The following SH3PXD2A variants were observed in gnomAD, a reference collection of about 807,000 sequenced individuals.
The protein encoded by SH3PXD2A is SH3 and PX domain-containing protein 2A.
A neutral mutation model predicts 115.2 loss-of-function variants in SH3PXD2A; 32 were observed. The observed-to-expected ratio is 0.28, with a 90% CI of 0.21 to 0.37. SH3PXD2A has a LOEUF of 0.37. SH3PXD2A is among the 10% of genes least tolerant of loss of function. The pLI is 1.00. For synonymous variants in SH3PXD2A, 610 were observed against 629.1 expected (o/e 0.97, Z 0.45); for missense variants, 1,328 against 1,498.7 (o/e 0.89, Z 1.88).
Position 103,845,592 on chromosome 10 carries a change from A to G in SH3PXD2A, c.72+9603T>C, listed in dbSNP as rs757293561. Among the ~76,000 whole-genome samples, 16 of 152,290 alleles carry G rather than the reference A, an allele frequency of 1.1e-4. No homozygotes were observed. In the Middle Eastern group the frequency reaches 0.01, roughly 97 times the overall value. ...ATATCATCAGGAAATAACCATAAAA[A>G]TGGGTAACCAGTGGCCCTCGGGGCT... is the stretch of plus-strand genomic sequence containing the variant. On this transcript the variant is annotated intron_variant, in intron 1 of 14. Transcript: ENST00000369774.
chr10:103,601,600 C>G lies in SH3PXD2A; in HGVS notation c.*216G>C. ...GGCCTGGGACTCCCTGGTCCATTCC[C>G]TTCCTCACTCAGTGTGGGCACCCCC... is the stretch of plus-strand genomic sequence containing the variant. On this transcript the variant is annotated 3_prime_UTR_variant, in exon 15 of 15. Coordinates refer to ENST00000369774, the MANE Select transcript of SH3PXD2A (RefSeq NM_001394015.1). The G allele has an allele frequency of 2.0e-6, 1 of 510,696 alleles. No homozygotes were observed. The highest frequency in any genetic ancestry group is 3.5e-6 in the Non-Finnish European group (1 of 286,402). 31.6% of individuals were successfully genotyped at this position (510,696 alleles called of 1,614,324 possible).
chr10:103,668,922 G>C (rs2037421874), intron 6 of SH3PXD2A, among the ~76,000 whole-genome samples: 1 of 152,250 alleles, frequency 6.6e-6, no homozygotes, highest in Non-Finnish European at 1.5e-5. Flanking sequence ...GGAGCACAGA[G>C]AATCCCACAC....
chr10:103,776,937 TTAACACATTAAAACAAAACA>T (rs1188998497), intron 2 of SH3PXD2A, among the ~76,000 whole-genome samples: 1 of 152,342 alleles, frequency 6.6e-6, no homozygotes, highest in Non-Finnish European at 1.5e-5. Flanking sequence ...ACCCATACCA[TTAACACATTAAAACAAAACA>T]TAACCATTAA....
At chr10:103,786,965 G>A (rs1804308611) in intron 2 of SH3PXD2A, among the ~76,000 whole-genome samples, 1 of 152,196 alleles carries the variant, frequency 6.6e-6, no homozygotes, top group African/African-American at 2.4e-5. Flanking sequence ...GCCCTTGGCC[G>A]CTGGGACTGA....
intron 13 of SH3PXD2A, among the ~76,000 whole-genome samples, chr10:103,608,018 A>G (rs1427318269): frequency 6.6e-6 from 1 of 151,970 alleles, no homozygotes; most frequent in Non-Finnish European, 1.5e-5. Flanking sequence ...ACACTGCGGA[A>G]GGCCTCGGGG....
intron 6 of SH3PXD2A, among the ~76,000 whole-genome samples, chr10:103,684,191 T>C (rs2037646550): frequency 6.6e-6 from 1 of 151,974 alleles, no homozygotes; most frequent in Admixed American, 6.6e-5. Flanking sequence ...TCCTCACACT[T>C]CCACCTGACA....
intron 7 of SH3PXD2A, 91 bp from the exon 8 acceptor site, chr10:103,661,205 GCTGCTCTGT>G: frequency 6.8e-7 from 1 of 1,464,770 alleles, no homozygotes; most frequent in Non-Finnish European, 9.1e-7. Context: ...CTCGGGGGTG[GCTGCTCTGT>G]CGCCAGCGCC....
intron 10 of SH3PXD2A, among the ~76,000 whole-genome samples, 192 bp downstream of exon 10, chr10:103,622,278 C>T (rs918926559): frequency 6.6e-6 from 1 of 152,162 alleles, no homozygotes; most frequent in Non-Finnish European, 1.5e-5. Context: ...GCCAGAGCCA[C>T]CCCCAGTGCC....
rs1214721167 is a variant in SH3PXD2A, at chr10:103,728,881, TTTTG to T, written c.307-4524_307-4521del. On this transcript the variant is annotated intron_variant, in intron 4 of 14. Coordinates refer to ENST00000369774, the MANE Select transcript of SH3PXD2A (RefSeq NM_001394015.1). ...CTAGTAAGTAGCAAAGAGTTGTTTT[TTTTG>T]TTTGTTTGTTTGTTTTTTTTTTTTT... Among the ~76,000 whole-genome samples the T allele has an allele frequency of 4.1e-4, 56 of 135,528 alleles. 2 individuals carry two copies. The South Asian group carries it at 0.01, about 25-fold the overall frequency. 88.9% of individuals were successfully genotyped at this position (135,528 alleles called of 152,430 possible). A position where few individuals can be genotyped will look rare whatever the true frequency, so the allele number is the denominator to read the frequency against.
chr10:103,610,798 G>A (rs750092866), intron 13 of SH3PXD2A, among the ~76,000 whole-genome samples: 42 of 152,118 alleles, frequency 2.8e-4, no homozygotes, highest in Non-Finnish European at 4.9e-4. Flanking sequence ...GTACTGTCCC[G>A]TCTGATAAAT....
chr10:103,776,956 C>T (rs1309156201), intron 2 of SH3PXD2A, among the ~76,000 whole-genome samples: 1 of 152,200 alleles, frequency 6.6e-6, no homozygotes, highest in African/African-American at 2.4e-5. Context: ...TAAAACAAAA[C>T]ATAACCATTA....
intron 1 of SH3PXD2A, among the ~76,000 whole-genome samples, chr10:103,816,717 A>T (rs533996469): frequency 6.6e-6 from 1 of 152,372 alleles, no homozygotes; most frequent in African/African-American, 2.4e-5. Context: ...TGTTCGTAGC[A>T]GCATTATATT....
intron 1 of SH3PXD2A, among the ~76,000 whole-genome samples, chr10:103,821,748 G>A (rs1327798417): frequency 6.6e-6 from 1 of 152,060 alleles, no homozygotes; most frequent in Non-Finnish European, 1.5e-5. Flanking sequence ...TGTATTTTTT[G>A]TAGAGATGGG....
chr10:103,792,284 G>A (rs2039043460), intron 2 of SH3PXD2A, among the ~76,000 whole-genome samples: 1 of 152,254 alleles, frequency 6.6e-6, no homozygotes. Flanking sequence ...CTTTGAAGGT[G>A]AAAATCATTT....
At chr10:103,765,943 G>T (rs2038749980) in intron 3 of SH3PXD2A, among the ~76,000 whole-genome samples, 1 of 152,252 alleles carries the variant, frequency 6.6e-6, no homozygotes, top group Admixed American at 6.5e-5. Context: ...TCACTGACTA[G>T]TTCCAGTCTT....
At chr10:103,675,672 A>G (rs2037522592) in intron 6 of SH3PXD2A, among the ~76,000 whole-genome samples, 1 of 152,216 alleles carries the variant, frequency 6.6e-6, no homozygotes, top group African/African-American at 2.4e-5. Flanking sequence ...GTGCTGTGCT[A>G]AACATTTATG....
chr10:103,719,246 G>A (rs2038147043), intron 5 of SH3PXD2A, among the ~76,000 whole-genome samples: 1 of 152,236 alleles, frequency 6.6e-6, no homozygotes, highest in Non-Finnish European at 1.5e-5. Flanking sequence ...GGGTGGAGGT[G>A]GGGAGCGGGT....
At chr10:103,738,240 C>T (rs1210473389) in intron 3 of SH3PXD2A, among the ~76,000 whole-genome samples, 2 of 152,238 alleles carry the variant, frequency 1.3e-5, no homozygotes, top group African/African-American at 2.4e-5. Flanking sequence ...CAGACACTGG[C>T]GACGCCGCTG....
intron 2 of SH3PXD2A, among the ~76,000 whole-genome samples, chr10:103,770,431 C>T (rs911669204): frequency 6.6e-6 from 1 of 152,204 alleles, no homozygotes; most frequent in African/African-American, 2.4e-5. Flanking sequence ...AAGATCCTGG[C>T]TTCAAGCGAT....
Sources: allele counts gnomAD v4.1 joint callset (sites outside exome capture counted in the v4.1 genomes callset), GRCh38; gene constraint gnomAD v4.1.1; transcripts MANE v1.5; gene names NCBI Gene and HGNC (gene_info 2026-07-23, HGNC 2026-07-21).